The following DAPK1 variants were observed in gnomAD, a reference collection of about 807,000 sequenced individuals.
The protein encoded by DAPK1 is death-associated protein kinase 1.
DAPK1 carries 56 observed loss-of-function variants against 144.9 expected under a neutral mutation model. The ratio of observed to expected loss-of-function variants is 0.39; its 90% CI spans 0.31 to 0.48. The LOEUF (loss-of-function observed/expected upper bound fraction) is 0.48, where lower values mean the gene tolerates loss of function less well. DAPK1 is among the 20% of genes least tolerant of loss of function. The pLI is 0.95. For missense variants in DAPK1, 1,454 were observed against 1,875.4 expected (o/e 0.78, Z 4.15); for synonymous variants, 690 against 749.0 (o/e 0.92, Z 1.29).
chr9:87,587,905 G>A (rs1827993721), intron 2 of DAPK1, among the ~76,000 whole-genome samples: 1 of 152,234 alleles, frequency 6.6e-6, no homozygotes, highest in South Asian at 2.1e-4. Flanking sequence ...GTGGTTTTAA[G>A]CAACTATATA....
intron 3 of DAPK1, among the ~76,000 whole-genome samples, chr9:87,627,278 G>A (rs1829525019): frequency 6.6e-6 from 1 of 152,142 alleles, no homozygotes; most frequent in Non-Finnish European, 1.5e-5. Context: ...CTTGACCCTT[G>A]CCTAAGCAGG....
At chr9:87,559,222 G>A (rs1178643563) in intron 2 of DAPK1, among the ~76,000 whole-genome samples, 2 of 152,154 alleles carry the variant, frequency 1.3e-5, no homozygotes, top group Non-Finnish European at 2.9e-5. Context: ...GAGGTAATGT[G>A]TCATCTCTAG....
intron 2 of DAPK1, among the ~76,000 whole-genome samples, chr9:87,529,141 C>T (rs868461329): frequency 1.1e-4 from 17 of 152,120 alleles, no homozygotes; most frequent in Admixed American, 2.6e-4. Context: ...ATGTAAAACC[C>T]CAAGTCAAAA....
chr9:87,562,705 T>C (rs1826974295), intron 2 of DAPK1, among the ~76,000 whole-genome samples: 1 of 152,238 alleles, frequency 6.6e-6, no homozygotes, highest in South Asian at 2.1e-4. Flanking sequence ...CCACCTGACA[T>C]ACTGTTTTGC....
In DAPK1 at chr9:87,707,387, G is replaced by A. The variant is rs1289623994; in HGVS notation, c.*23G>A. 4.5e-6 allele frequency: 7 copies of A among 1,541,478 alleles called. No homozygotes were observed. In the African/African-American group the frequency reaches 5.4e-5, roughly 12 times the overall value. On this transcript the variant is annotated 3_prime_UTR_variant, in exon 26 of 26. Coordinates refer to ENST00000408954, the MANE Select transcript of DAPK1 (RefSeq NM_004938.4). The surrounding 1 kb of genome is among the most constrained non-coding windows in gnomAD (Gnocchi z 4.0). ...TGAGGGCAGCCTCTGGCTTGGGCAG[G>A]GTCTGTTTGGACTGCAGAAGCAAGG... is the stretch of plus-strand genomic sequence containing the variant.
chr9:87,524,661 G>A (rs1430214437), intron 2 of DAPK1, among the ~76,000 whole-genome samples: 1 of 152,146 alleles, frequency 6.6e-6, no homozygotes, highest in Non-Finnish European at 1.5e-5. Context: ...CAATCAAAAA[G>A]TGGATAAAGA....
chr9:87,708,059 G>A lies in DAPK1; in HGVS notation c.*695G>A. The A allele has an allele frequency of 3.2e-6, 1 of 309,600 alleles. No individual in the cohort carries two copies. The highest frequency in any genetic ancestry group is 8.9e-4 in the Middle Eastern group (1 of 1,128). 19.2% of individuals were successfully genotyped at this position (309,600 alleles called of 1,614,324 possible). On this transcript the variant is annotated 3_prime_UTR_variant, in exon 26 of 26. Transcript: ENST00000408954. Reference sequence around the variant, plus strand: ...TTCTGACAGTTTTTCTGTTTTGTTTGGCAAGGAAAGGGGAGAAGGGAATCC... The same window carrying A: ...TTCTGACAGTTTTTCTGTTTTGTTTAGCAAGGAAAGGGGAGAAGGGAATCC...
At chr9:87,561,783 G>A (rs1349134513) in intron 2 of DAPK1, among the ~76,000 whole-genome samples, 1 of 152,228 alleles carries the variant, frequency 6.6e-6, no homozygotes, top group African/African-American at 2.4e-5. Context: ...GTGGGGCTGT[G>A]TGTGGACAGT....
intron 2 of DAPK1, among the ~76,000 whole-genome samples, chr9:87,596,000 CTT>C (rs1036516712): frequency 6.8e-6 from 1 of 147,082 alleles, no homozygotes. Context: ...CACCGCTTTG[CTT>C]TTTTTTTTGG....
Position 87,706,532 on chromosome 9 carries a change from G to A in DAPK1, c.3461G>A (p.Arg1154Gln), listed in dbSNP as rs913345098. 8.1e-6 allele frequency: 13 copies of A among 1,613,822 alleles called. No individual in the cohort carries two copies. Among genetic ancestry groups the A allele is most frequent in the Non-Finnish European group, 1.1e-5 (13 of 1,179,822 alleles). Residue 1154 changes from arginine to glutamine, a missense_variant, in exon 26 of 26, where the codon CGG becomes CAG. Coordinates refer to ENST00000408954, the MANE Select transcript of DAPK1 (RefSeq NM_004938.4). The surrounding 1 kb of genome is among the most constrained non-coding windows in gnomAD (Gnocchi z 9.0). ...CACAAGGTCCAGGTGAACCTGTGCC[G>A]GTGGATCCACCAGCAAAGCACAGAG... ...IFHKVQVNLC[R>Q]WIHQQSTEGD...
chr9:87,705,888 G>A (rs567923588), intron 25 of DAPK1, among the ~76,000 whole-genome samples: 1 of 150,872 alleles, frequency 6.6e-6, no homozygotes, highest in Non-Finnish European at 1.5e-5. Context: ...CTTTCATTTC[G>A]CTGGCCTTTT....
At chr9:87,586,062 C>T (rs577774418) in intron 2 of DAPK1, among the ~76,000 whole-genome samples, 7 of 152,170 alleles carry the variant, frequency 4.6e-5, no homozygotes, top group South Asian at 2.1e-4. Context: ...CCGAGGCGAG[C>T]GGATCACTTG....
intron 19 of DAPK1, among the ~76,000 whole-genome samples, chr9:87,672,431 A>G (rs1216426225): frequency 3.9e-5 from 6 of 152,140 alleles, no homozygotes; most frequent in African/African-American, 1.2e-4. Flanking sequence ...CTTTTAATCA[A>G]TGGGCTCGGG....
At chr9:87,695,820 C>T (rs1825238994) in intron 21 of DAPK1, among the ~76,000 whole-genome samples, 5 of 152,204 alleles carry the variant, frequency 3.3e-5, no homozygotes, top group Admixed American at 6.5e-5. Context: ...ATCCTATACC[C>T]TGGCACGTTC....
rs1825693089 is a variant in DAPK1 at position 87,707,751 on chromosome 9, A to T, written c.*387A>T. ...ATATTGATTGTCCTTTAAAAAAGAA[A>T]AGTGCATATTTATCCAAAATGTGTA... On this transcript the variant is annotated 3_prime_UTR_variant, in exon 26 of 26. Coordinates refer to ENST00000408954, the MANE Select transcript of DAPK1 (RefSeq NM_004938.4). This position sits in a 1 kb window ranked among gnomAD's most constrained non-coding sequence, Gnocchi z 4.0. 2.3e-6 allele frequency: 1 copy of T among 437,392 alleles called. No individual in the cohort carries two copies. Among genetic ancestry groups the T allele is most frequent in the Non-Finnish European group, 4.4e-6 (1 of 225,778 alleles). 27.1% of individuals were successfully genotyped at this position (437,392 alleles called of 1,614,324 possible).
Position 87,658,096 on chromosome 9 carries a change from T to C in DAPK1, c.1892T>C (p.Leu631Pro), listed in dbSNP as rs1217718194. 6.5e-7 allele frequency: 1 copy of C among 1,527,238 alleles called. No homozygotes were observed. The highest frequency in any genetic ancestry group is 9.1e-7 in the Non-Finnish European group (1 of 1,101,816). 94.6% of individuals were successfully genotyped at this position (1,527,238 alleles called of 1,614,324 possible). The change falls in exon 18 of 26, where the codon CTG (leucine) becomes CCG (proline). Residue 631 changes from leucine (L) to proline (P), a missense_variant. By Grantham distance (98) the Leu-to-Pro change is moderately conservative. Transcript: ENST00000408954. ...CTAGACGTGGTCCGGTATCTCTGTC[T>C]GATGGGAGCCAGCGTTGAGGCGCTG... ...GILDVVRYLC[L>P]MGASVEALTT...
intron 20 of DAPK1, 24 bp downstream of exon 20, chr9:87,681,650 G>A (rs375475427): frequency 2.1e-5 from 25 of 1,203,484 alleles, no homozygotes; most frequent in South Asian, 6.1e-5. Context: ...TGCTGGCCCC[G>A]TCTCTCCAGC....
chr9:87,588,989 A>G (rs1283863256), intron 2 of DAPK1, among the ~76,000 whole-genome samples: 2 of 151,414 alleles, frequency 1.3e-5, no homozygotes, highest in African/African-American at 4.9e-5. Flanking sequence ...CCCAGGTTCA[A>G]GTGATTCTCC....
chr9:87,670,203 G>A (rs1024505811), intron 19 of DAPK1, among the ~76,000 whole-genome samples: 4 of 151,942 alleles, frequency 2.6e-5, no homozygotes, highest in African/African-American at 4.8e-5. Flanking sequence ...GGGAGATCCC[G>A]TGAGTCGTGG....
Sources: gnomAD v4.1 joint callset for allele counts (sites outside exome capture counted in the v4.1 genomes callset) on GRCh38, gnomAD v4.1.1 for gene constraint, Gnocchi (gnomAD v3.1) non-coding constraint, MANE v1.5 for transcripts, NCBI Gene and HGNC (gene_info 2026-07-23, HGNC 2026-07-21) for gene names.